Variants in TRPM2 observed in about 807,000 individuals in gnomAD.
TRPM2 encodes the protein transient receptor potential cation channel subfamily M member 2.
Under a neutral mutation model 174.0 loss-of-function variants are expected in TRPM2, and 161 were observed. The ratio of observed to expected loss-of-function variants is 0.93; its 90% CI spans 0.81 to 1.05. TRPM2 has a LOEUF of 1.05. TRPM2 is among the 50% of genes least tolerant of loss of function. TRPM2 has a pLI of 0.00. For synonymous variants in TRPM2, 954 were observed against 861.3 expected, an observed-to-expected ratio of 1.11 and a Z score of -1.88; for missense variants, 2,057 against 2,038.0, an observed-to-expected ratio of 1.01 and a Z score of -0.18.
intron 5 of TRPM2, among the ~76,000 whole-genome samples, chr21:44,374,067 G>A (rs2048623718): frequency 6.6e-6 from 1 of 151,458 alleles, no homozygotes; most frequent in South Asian, 2.1e-4. Flanking sequence ...CTGGAGTGCA[G>A]TGGTGCGATC....
rs751556751 is a variant in TRPM2, at chr21:44,377,717, G to A, written c.958G>A (p.Ala320Thr). The A allele has an allele frequency of 9.3e-6, 15 of 1,613,986 alleles. No homozygotes were observed. Among genetic ancestry groups the A allele is most frequent in the Non-Finnish European group, 1.3e-5 (15 of 1,180,042 alleles). Residue 320 changes from alanine to threonine, a missense_variant, in exon 7 of 32, where the codon GCC becomes ACC. By Grantham distance (58) the Ala-to-Thr change is moderately conservative. Transcript: ENST00000397928. ...SEQTKERGGVAIKIPIVCVVL... is the reference protein window; with the variant it reads ...SEQTKERGGVTIKIPIVCVVL... Reference sequence around the variant, plus strand: ...CGGCTGTGTGCTTTTTCTAGGTGTGGCCATCAAGATCCCCATCGTGTGCGT... The same window carrying A: ...CGGCTGTGTGCTTTTTCTAGGTGTGACCATCAAGATCCCCATCGTGTGCGT...
chr21:44,391,756 G>A lies in TRPM2; in HGVS notation c.1794+131G>A. 1 of 906,742 alleles carries A rather than the reference G, an allele frequency of 1.1e-6. No homozygotes were observed. The highest frequency in any genetic ancestry group is 1.6e-6 in the Non-Finnish European group (1 of 627,838). 56.2% of individuals were successfully genotyped at this position (906,742 alleles called of 1,614,324 possible). A position where few individuals can be genotyped will look rare whatever the true frequency, so the allele number is the denominator to read the frequency against. ...ACACATGCTCTATCTTAGGCTGCTT[G>A]GGCTGCTGTAACAAAATTCCACAGA... On this transcript the variant is annotated intron_variant, in intron 11 of 31. Coordinates refer to ENST00000397928, the MANE Select transcript of TRPM2 (RefSeq NM_003307.4). The surrounding 1 kb of genome is among the most constrained non-coding windows in gnomAD (Gnocchi z 5.0).
At chr21:44,431,039 A>G (rs898441407) in intron 27 of TRPM2, among the ~76,000 whole-genome samples, 4 of 148,672 alleles carry the variant, frequency 2.7e-5, no homozygotes, top group African/African-American at 9.9e-5. Context: ...GGATTTGTTG[A>G]TTATCTTAAT....
chr21:44,409,727 T>C (rs1300976090), intron 19 of TRPM2, among the ~76,000 whole-genome samples: 1 of 150,406 alleles, frequency 6.6e-6, no homozygotes, highest in African/African-American at 2.5e-5. Context: ...AGACTTGTAG[T>C]AAGTTTTGAC....
chr21:44,404,341 T>C (rs2049780344), intron 16 of TRPM2, among the ~76,000 whole-genome samples: 1 of 151,678 alleles, frequency 6.6e-6, no homozygotes, highest in Non-Finnish European at 1.5e-5. Context: ...TGCATACACA[T>C]ACAAATACAT....
intron 5 of TRPM2, among the ~76,000 whole-genome samples, chr21:44,374,244 C>T (rs1569030628): frequency 6.6e-6 from 1 of 152,156 alleles, no homozygotes; most frequent in Non-Finnish European, 1.5e-5. Context: ...CTCCTGACCT[C>T]AACTGATCTG....
At chr21:44,357,267 C>A (rs2048086689) in intron 2 of TRPM2, among the ~76,000 whole-genome samples, 2 of 152,226 alleles carry the variant, frequency 1.3e-5, no homozygotes, top group African/African-American at 4.8e-5. Context: ...TGCCAGTCGG[C>A]TCTGCGTGCT....
rs138013251 is a variant in TRPM2 at position 44,435,164 on chromosome 21, C to T, written c.4008C>T (p.Arg1336=). The change falls in exon 28 of 32, where the codon CGC becomes CGT. Residue 1336 remains arginine, a synonymous_variant. Coordinates refer to ENST00000397928, the MANE Select transcript of TRPM2 (RefSeq NM_003307.4). The part of the protein sequence containing the change: ...NPMGRTGLRG[R]GSLSCFGPNH... Reference sequence around the variant, plus strand: ...TGGGCCGCACAGGACTGCGTGGGCGCGGGAGCCTCAGCTGCTTCGGACCCA... The same window carrying T: ...TGGGCCGCACAGGACTGCGTGGGCGTGGGAGCCTCAGCTGCTTCGGACCCA... 295 of 1,613,466 alleles carry T rather than the reference C, an allele frequency of 1.8e-4. 1 individual carries two copies. The African/African-American group carries it at 2.2e-3, about 12-fold the overall frequency.
In TRPM2 at chr21:44,382,832, G is replaced by T; in HGVS notation, c.1318+12G>T. ...GGCCTTGCTGAAAGGTGAGGGTCAG[G>T]GAACATGGGGGCAATGGGGTGGAGG... is the stretch of plus-strand genomic sequence containing the variant. On this transcript the variant is annotated intron_variant, in intron 9 of 31. Transcript: ENST00000397928. The T allele has an allele frequency of 6.2e-7, 1 of 1,608,894 alleles. No individual in the cohort carries two copies. Among genetic ancestry groups the T allele is most frequent in the Non-Finnish European group, 8.5e-7 (1 of 1,177,670 alleles).
At position 44,391,640 on chromosome 21, in the gene TRPM2, C is replaced by A. The variant is rs759971622; in HGVS notation, c.1794+15C>A. On this transcript the variant is annotated intron_variant, in intron 11 of 31. Coordinates refer to ENST00000397928, the MANE Select transcript of TRPM2 (RefSeq NM_003307.4). The surrounding 1 kb of genome is among the most constrained non-coding windows in gnomAD (Gnocchi z 5.0). ...TCAAGCTCAACGTGCGTGCTGGTAA[C>A]GGGGCCCATCCTGGACTCGTCTTCG... is the stretch of plus-strand genomic sequence containing the variant. 5.1e-6 allele frequency: 8 copies of A among 1,557,442 alleles called. No individual in the cohort carries two copies. The highest frequency in any genetic ancestry group is 6.9e-6 in the Non-Finnish European group (8 of 1,158,640).
chr21:44,351,189 G>A (rs1010987916), upstream of TRPM2, among the ~76,000 whole-genome samples: 1 of 152,216 alleles, frequency 6.6e-6, no homozygotes, highest in African/African-American at 2.4e-5. Context: ...GGATCCTCTC[G>A]AGTCGCCTGG....
intron 2 of TRPM2, among the ~76,000 whole-genome samples, chr21:44,359,956 C>T (rs913947507): frequency 5.3e-5 from 8 of 151,922 alleles, no homozygotes; most frequent in Admixed American, 2.0e-4. Flanking sequence ...CCATATTAGC[C>T]AGGCTGGTCT....
In TRPM2 at chr21:44,422,211, G is replaced by A. The variant is rs1373961452; in HGVS notation, c.3462-1434G>A. The A allele has an allele frequency of 3.3e-6, 5 of 1,512,458 alleles. No individual in the cohort carries two copies. The Admixed American group carries it at 8.4e-5, about 25-fold the overall frequency. The allele number at this position is 1,512,458 out of a possible 1,614,324, so 93.7% of individuals were successfully genotyped here. Reference sequence around the variant, plus strand: ...GCACCTGGGAGGCGCATGAGTGTGGGGTGCCATAACCTTGCAGCACTGAGG... The same window carrying A: ...GCACCTGGGAGGCGCATGAGTGTGGAGTGCCATAACCTTGCAGCACTGAGG... On this transcript the variant is annotated intron_variant, in intron 22 of 31. Coordinates refer to ENST00000397928, the MANE Select transcript of TRPM2 (RefSeq NM_003307.4).
At chr21:44,383,498 A>G (rs560585020) in intron 9 of TRPM2, among the ~76,000 whole-genome samples, 2 of 152,334 alleles carry the variant, frequency 1.3e-5, no homozygotes, top group South Asian at 4.1e-4. Context: ...CTTTTGTGAT[A>G]AAGGCCAGAC....
At chr21:44,362,429 G>A (rs1056706382) in intron 2 of TRPM2, among the ~76,000 whole-genome samples, 4 of 151,200 alleles carry the variant, frequency 2.6e-5, no homozygotes, top group Admixed American at 6.6e-5. Context: ...GGAGAGTGGC[G>A]TGAACCTGGG....
Position 44,418,552 on chromosome 21 carries a change from A to T in TRPM2, c.3458A>T (p.Asn1153Ile). The T allele has an allele frequency of 6.2e-7, 1 of 1,614,020 alleles. No homozygotes were observed. Among genetic ancestry groups the T allele is most frequent in the Non-Finnish European group, 8.5e-7 (1 of 1,179,972 alleles). Residue 1153 changes from asparagine to isoleucine, a missense_variant, in exon 22 of 32, where the codon AAT (asparagine) becomes ATT (isoleucine). By Grantham distance (149) the Asn-to-Ile change is moderately radical. Transcript: ENST00000397928. ...RPEQKIEDISNKVDAMVDLLD... is the reference protein window; with the variant it reads ...RPEQKIEDISIKVDAMVDLLD... Reference sequence around the variant, plus strand: ...GAGCAGAAGATCGAGGACATCAGCAATAAGTATGGGGGCTCCGGTGGGCCT... The same window carrying T: ...GAGCAGAAGATCGAGGACATCAGCATTAAGTATGGGGGCTCCGGTGGGCCT...
rs139642344 is a variant in TRPM2, at chr21:44,422,580, T to A, written c.3462-1065T>A. ...CTGTGTTACTAAAATAGTTGCTCAGTGTATTATAAGAATATCACTTGCAGT... is the reference window on the plus strand; with the variant it reads ...CTGTGTTACTAAAATAGTTGCTCAGAGTATTATAAGAATATCACTTGCAGT... On this transcript the variant is annotated intron_variant, in intron 22 of 31. Coordinates refer to ENST00000397928, the MANE Select transcript of TRPM2 (RefSeq NM_003307.4). 9.5e-4 allele frequency among the ~76,000 whole-genome samples: 144 copies of A among 152,324 alleles called. 4 individuals carry two copies. In the East Asian group the frequency reaches 0.023, roughly 24 times the overall value.
At chr21:44,435,818 T>C (rs1464707720) in intron 28 of TRPM2, among the ~76,000 whole-genome samples, 1 of 119,458 alleles carries the variant, frequency 8.4e-6, no homozygotes, top group Admixed American at 8.8e-5. Flanking sequence ...TCCACACCCA[T>C]CCACGGGGAC....
chr21:44,406,320 C>T (rs553506248), intron 18 of TRPM2, among the ~76,000 whole-genome samples: 17 of 149,450 alleles, frequency 1.1e-4, no homozygotes, highest in African/African-American at 1.8e-4. Context: ...TATGTCTGAC[C>T]GCACTCATTC....
Sources: allele counts gnomAD v4.1 joint callset (sites outside exome capture counted in the v4.1 genomes callset), GRCh38; gene constraint gnomAD v4.1.1; non-coding constraint Gnocchi (gnomAD v3.1); transcripts MANE v1.5; gene names NCBI Gene and HGNC (gene_info 2026-07-23, HGNC 2026-07-21).